The following ASPG variants were observed in gnomAD, a reference collection of about 807,000 sequenced individuals.
The protein encoded by ASPG is 60 kDa lysophospholipase.
A neutral mutation model predicts 63.2 loss-of-function variants in ASPG; 53 were observed. That is an observed-to-expected ratio of 0.84 (90% confidence interval 0.67 to 1.05). The LOEUF is 1.05. ASPG is among the 50% of genes least tolerant of loss of function. ASPG has a pLI of 0.00. For synonymous variants in ASPG, 370 were observed against 355.0 expected, an observed-to-expected ratio of 1.04 and a Z score of -0.48; for missense variants, 741 against 794.4, an observed-to-expected ratio of 0.93 and a Z score of 0.81.
intron 4 of ASPG, among the ~76,000 whole-genome samples, chr14:104,097,269 G>C (rs924577502): frequency 6.6e-6 from 1 of 152,324 alleles, no homozygotes; most frequent in African/African-American, 2.4e-5. Flanking sequence ...CACAGCTGTT[G>C]GTGGGTGGGT....
Position 104,104,453 on chromosome 14 carries a change from G to A in ASPG, c.903G>A (p.Gln301=). ...TCGTCAACTGTACCCACTGCCTCCA[G>A]GGGGCTGTGACCACAGACTATGCAG... is the stretch of plus-strand genomic sequence containing the variant. ...LVIVNCTHCL[Q]GAVTTDYAAG... Residue 301 remains glutamine, a synonymous_variant, in exon 8 of 16, where the codon CAG becomes CAA. Transcript: ENST00000551177. 6.2e-7 allele frequency: 1 copy of A among 1,612,528 alleles called. No individual in the cohort carries two copies. The highest frequency in any genetic ancestry group is 8.5e-7 in the Non-Finnish European group (1 of 1,179,784).
intron 15 of ASPG, among the ~76,000 whole-genome samples, 200 bp from the exon 16 acceptor site, chr14:104,112,324 G>A (rs1375626714): frequency 1.3e-5 from 2 of 151,976 alleles, no homozygotes; most frequent in African/African-American, 4.8e-5. Context: ...CCCCTAGGCT[G>A]GGTGCTTCCG....
In ASPG at chr14:104,109,915, T is replaced by G; in HGVS notation, c.1520+600T>G. The G allele has an allele frequency of 1.0e-5, 10 of 964,258 alleles. No individual in the cohort carries two copies. The highest frequency in any genetic ancestry group is 1.1e-5 in the Non-Finnish European group (9 of 811,288). 59.7% of individuals were successfully genotyped at this position (964,258 alleles called of 1,614,324 possible). A position where few individuals can be genotyped will look rare whatever the true frequency, so the allele number is the denominator to read the frequency against. ...CAGGCTCAGGCCTTCTGACATCATG[T>G]TGTTGTTGGGGAGACTGAGGCGCAG... On this transcript the variant is annotated intron_variant, in intron 13 of 15. Coordinates refer to ENST00000551177, the MANE Select transcript of ASPG (RefSeq NM_001080464.3). This position sits in a 1 kb window ranked among gnomAD's most constrained non-coding sequence, Gnocchi z 4.8.
In ASPG at chr14:104,106,795, C is replaced by A. The variant is rs1451658516; in HGVS notation, c.1174-4C>A. 7 of 1,590,132 alleles carry A rather than the reference C, an allele frequency of 4.4e-6. No individual in the cohort carries two copies. Among genetic ancestry groups the A allele is most frequent in the East Asian group, 2.3e-5 (1 of 43,610 alleles). On this transcript the variant is annotated splice_region_variant and splice_polypyrimidine_tract_variant and intron_variant, in intron 10 of 15. Transcript: ENST00000551177. ...GGTCCCAGGGTGCCGCCTTCCCCAC[C>A]TAGGAGGCAGATGCCCTGCGGAATG...
rs892632258 is a variant in ASPG at position 104,091,912 on chromosome 14, T to C, written c.83-721T>C. On this transcript the variant is annotated intron_variant, in intron 1 of 15. Transcript: ENST00000551177. This position sits in a 1 kb window ranked among gnomAD's most constrained non-coding sequence, Gnocchi z 6.4. ...ATACTGAGCAGCTGGCCCCAGGGAA[T>C]GAGTGGTGTGGCCAGGTCTCCATTT... Among the ~76,000 whole-genome samples the C allele has an allele frequency of 1.3e-5, 2 of 151,780 alleles. No homozygotes were observed. Among genetic ancestry groups the C allele is most frequent in the African/African-American group, 4.8e-5 (2 of 41,282 alleles).
At chr14:104,095,698 T>C in intron 4 of ASPG, 42 bp downstream of exon 4, 4 of 1,609,690 alleles carry the variant, frequency 2.5e-6, no homozygotes, top group Non-Finnish European at 3.4e-6. Context: ...AGGGGCTTCC[T>C]GAGGCCACAG....
rs1163997676 is a variant in ASPG at position 104,095,580 on chromosome 14, C to T, written c.353C>T (p.Thr118Ile). The part of the protein sequence containing the change: ...HGFVVIHGTD[T>I]MAFAASMLSF... ...TTTGTGGTCATCCACGGCACCGACA[C>T]CATGGCCTTTGCTGCCTCGATGCTG... Residue 118 changes from threonine (T) to isoleucine (I), a missense_variant, in exon 4 of 16, where the codon ACC becomes ATC. Transcript: ENST00000551177. 4 of 1,613,176 alleles carry T rather than the reference C, an allele frequency of 2.5e-6. No homozygotes were observed. Among genetic ancestry groups the T allele is most frequent in the Non-Finnish European group, 3.4e-6 (4 of 1,179,840 alleles).
intron 1 of ASPG, 62 bp from the exon 2 acceptor site, chr14:104,092,571 G>A (rs2036400857): frequency 1.5e-6 from 2 of 1,364,464 alleles, no homozygotes. Flanking sequence ...CCCTCAGTGA[G>A]GGAGGAGGCG....
chr14:104,101,599 C>G (rs114988032), intron 6 of ASPG, among the ~76,000 whole-genome samples: 1,967 of 151,968 alleles, frequency 0.013, 42 homozygotes, highest in African/African-American at 0.045. Flanking sequence ...GCCCTGACCC[C>G]GGCCCACTCT....
intron 1 of ASPG, among the ~76,000 whole-genome samples, chr14:104,089,589 C>T (rs1205939865): frequency 1.3e-5 from 2 of 152,080 alleles, no homozygotes; most frequent in Admixed American, 6.5e-5. Flanking sequence ...ACATTGACTG[C>T]GGGGTGAGTG....
chr14:104,101,914 GGCC>G (rs2036894886), intron 6 of ASPG, among the ~76,000 whole-genome samples: 1 of 152,206 alleles, frequency 6.6e-6, no homozygotes, highest in Admixed American at 6.5e-5. Context: ...GGCCTCACCT[GGCC>G]ATGGAGCCAC....
chr14:104,086,145 T>C lies in ASPG; in HGVS notation c.82+293T>C, dbSNP rs373958817. 1.6e-4 allele frequency among the ~76,000 whole-genome samples: 24 copies of C among 152,302 alleles called. No individual in the cohort carries two copies. The East Asian group carries it at 2.1e-3, about 14-fold the overall frequency. Reference sequence around the variant, plus strand: ...GCTGCGCCCCTGAGGGCCAGCGTCCTGAAGTCCTGGAATATGGGGCGGGAG... The same window carrying C: ...GCTGCGCCCCTGAGGGCCAGCGTCCCGAAGTCCTGGAATATGGGGCGGGAG... On this transcript the variant is annotated intron_variant, in intron 1 of 15. Transcript: ENST00000551177.
intron 7 of ASPG, 82 bp from the exon 8 acceptor site, chr14:104,104,222 C>T: frequency 2.7e-6 from 4 of 1,462,478 alleles, no homozygotes; most frequent in Non-Finnish European, 3.7e-6. Flanking sequence ...GGGTCCCTCT[C>T]CTTGGGAGGG....
Position 104,107,975 on chromosome 14 carries a change from G to C in ASPG, c.1433+630G>C, listed in dbSNP as rs146979265. 1.3e-3 allele frequency among the ~76,000 whole-genome samples: 195 copies of C among 152,334 alleles called. 1 individual carries two copies. Among genetic ancestry groups the C allele is most frequent in the African/African-American group, 4.4e-3 (182 of 41,578 alleles). The stretch of plus-strand genomic sequence containing the variant: ...CCAGGGCCCCTGGGGATTCCTCCCT[G>C]TGGGTGGGAGGACTTGGCCTGCAGG... On this transcript the variant is annotated intron_variant, in intron 12 of 15. Transcript: ENST00000551177.
At chr14:104,108,452 G>A (rs1226571475) in intron 12 of ASPG, 3 of 985,420 alleles carry the variant, frequency 3.0e-6, no homozygotes, top group East Asian at 1.1e-4. Flanking sequence ...CCGCTGCCAG[G>A]CTCCCTGAGG....
At chr14:104,106,254 A>C (rs996738716) in intron 10 of ASPG, among the ~76,000 whole-genome samples, 1 of 152,124 alleles carries the variant, frequency 6.6e-6, no homozygotes, top group African/African-American at 2.4e-5. Flanking sequence ...GTGTGGTGGC[A>C]CCTGTGGGGC....
intron 7 of ASPG, among the ~76,000 whole-genome samples, chr14:104,103,891 C>T (rs760979958): frequency 1.1e-4 from 17 of 152,356 alleles, no homozygotes; most frequent in East Asian, 1.9e-4. Context: ...GGTTGGGGCG[C>T]GGCTCACAGC....
chr14:104,099,652 T>C (rs747247), intron 6 of ASPG, among the ~76,000 whole-genome samples: 82,632 of 152,182 alleles, frequency 0.54, 24,701 homozygotes, highest in Non-Finnish European at 0.66. Flanking sequence ...CCCCTGCCTG[T>C]TCCAGGTCCA....
rs2037421558 is a variant in ASPG, at chr14:104,113,047, A to C, written c.*503A>C. On this transcript the variant is annotated 3_prime_UTR_variant, in exon 16 of 16. Transcript: ENST00000551177. The stretch of plus-strand genomic sequence containing the variant: ...GCAGCCCTCCAACCCCTGGATGAGC[A>C]TGCTGCCCCTGCTTAACTCTTTAGT... 4.7e-6 allele frequency: 1 copy of C among 211,422 alleles called. No homozygotes were observed. Among genetic ancestry groups the C allele is most frequent in the Non-Finnish European group, 9.6e-6 (1 of 104,190 alleles). The allele number at this position is 211,422 out of a possible 1,614,324, so 13.1% of individuals were successfully genotyped here.
Sources: gnomAD v4.1 joint callset for allele counts (sites outside exome capture counted in the v4.1 genomes callset) on GRCh38, gnomAD v4.1.1 for gene constraint, Gnocchi (gnomAD v3.1) non-coding constraint, MANE v1.5 for transcripts, NCBI Gene and HGNC (gene_info 2026-07-23, HGNC 2026-07-21) for gene names.